Variants in CAST observed in about 807,000 individuals in gnomAD.
CAST encodes MIR583 host.
Under a neutral mutation model 119.6 loss-of-function variants are expected in CAST, and 76 were observed. That is an observed-to-expected ratio of 0.64 (90% CI 0.53 to 0.77). The LOEUF (loss-of-function observed/expected upper bound fraction) is 0.77. Ranked by LOEUF, CAST falls within the 30% of genes least tolerant of loss-of-function variation. The pLI is 0.00. For missense variants in CAST, 953 were observed against 946.5 expected (o/e 1.01, Z -0.09); for synonymous variants, 319 against 331.6 (o/e 0.96, Z 0.41).
At chr5:96,366,894 G>T in the CAST span, among the ~76,000 whole-genome samples, 13 of 152,330 alleles carry the variant, frequency 8.5e-5, no homozygotes, top group South Asian at 2.5e-3. Context: ...TTTGGAGGGG[G>T]AGAGGCGCTC....
At chr5:96,706,518 A>G (rs192328152) in intron 3 of CAST, among the ~76,000 whole-genome samples, 4 of 152,336 alleles carry the variant, frequency 2.6e-5, no homozygotes, top group South Asian at 2.1e-4. Flanking sequence ...TACAGTAGAA[A>G]TATGATTTCT....
In CAST at chr5:96,762,336, A is replaced by C; in HGVS notation, c.1896A>C (p.Ser632=). Residue 632 remains serine (S), a synonymous_variant, in exon 25 of 32, where the codon TCA becomes TCC. Transcript: ENST00000675179. Reference sequence around the variant, plus strand: ...AAGTGGTTTCCCAAACCCCAGCTTCAACGACCCAAGCTGGAGCCCCACCCC... The same window carrying C: ...AAGTGGTTTCCCAAACCCCAGCTTCCACGACCCAAGCTGGAGCCCCACCCC... ...ISEVVSQTPA[S]TTQAGAPPRD... The C allele has an allele frequency of 6.2e-7, 1 of 1,607,398 alleles. No homozygotes were observed.
the CAST span, among the ~76,000 whole-genome samples, chr5:96,300,385 C>A: frequency 6.6e-6 from 1 of 152,128 alleles, no homozygotes; most frequent in Non-Finnish European, 1.5e-5. Flanking sequence ...ATCCTTATCA[C>A]CTTCGTTGAA....
At chr5:96,233,417 A>G in the CAST span, among the ~76,000 whole-genome samples, 1 of 152,130 alleles carries the variant, frequency 6.6e-6, no homozygotes, top group Admixed American at 6.6e-5. Flanking sequence ...TGTTAGGTCT[A>G]TGTGGCAAGT....
the CAST span, among the ~76,000 whole-genome samples, chr5:96,477,306 GCACA>G: frequency 9.2e-4 from 134 of 145,332 alleles, 2 homozygotes; most frequent in East Asian, 0.018. Context: ...ACGCACGCGT[GCACA>G]CACACACACA....
the CAST span, among the ~76,000 whole-genome samples, chr5:96,443,739 A>T: frequency 6.6e-6 from 1 of 152,212 alleles, no homozygotes; most frequent in African/African-American, 2.4e-5. Flanking sequence ...GGCATCATTG[A>T]TATACATGAA....
the CAST span, among the ~76,000 whole-genome samples, chr5:96,106,226 G>C: frequency 1.3e-5 from 2 of 151,922 alleles, no homozygotes; most frequent in Non-Finnish European, 2.9e-5. Flanking sequence ...ATTTCCTTCA[G>C]TTCTGCTCTG....
At chr5:96,611,920 A>G (rs1747370739) in intron 1 of CAST, among the ~76,000 whole-genome samples, 1 of 152,196 alleles carries the variant, frequency 6.6e-6, no homozygotes, top group Non-Finnish European at 1.5e-5. Flanking sequence ...TCACATAGCT[A>G]TTATTAAAAC....
chr5:96,334,319 G>A, the CAST span, among the ~76,000 whole-genome samples: 1 of 152,142 alleles, frequency 6.6e-6, no homozygotes, highest in Non-Finnish European at 1.5e-5. Flanking sequence ...TCACTGCTTA[G>A]TTGTTTATTG....
At chr5:96,441,573 T>C in the CAST span, among the ~76,000 whole-genome samples, 2 of 152,136 alleles carry the variant, frequency 1.3e-5, no homozygotes, top group Non-Finnish European at 2.9e-5. Flanking sequence ...TTAAGGGCTC[T>C]GGGAAGACTA....
chr5:96,425,036 G>GAAAT, the CAST span, among the ~76,000 whole-genome samples: 1 of 139,110 alleles, frequency 7.2e-6, no homozygotes, highest in African/African-American at 2.9e-5. Flanking sequence ...AAGAAAGAAA[G>GAAAT]AAAGAAAGAA....
chr5:96,298,879 A>AGTGTGT, the CAST span, among the ~76,000 whole-genome samples: 79 of 149,522 alleles, frequency 5.3e-4, no homozygotes, highest in African/African-American at 1.3e-3. Flanking sequence ...AAATTAGGAG[A>AGTGTGT]GTGTGTGTGT....
At chr5:96,256,227 A>G in the CAST span, among the ~76,000 whole-genome samples, 5 of 148,414 alleles carry the variant, frequency 3.4e-5, no homozygotes, top group Non-Finnish European at 5.9e-5. Flanking sequence ...TATATTATAT[A>G]AACATATAAT....
chr5:96,453,836 A>G, the CAST span, among the ~76,000 whole-genome samples: 1 of 152,240 alleles, frequency 6.6e-6, no homozygotes, highest in Non-Finnish European at 1.5e-5. Flanking sequence ...CATCCTTAAG[A>G]CAAAGATAGA....
At chr5:96,601,308 G>A (rs545920073) in intron 1 of CAST, among the ~76,000 whole-genome samples, 2 of 152,124 alleles carry the variant, frequency 1.3e-5, no homozygotes, top group African/African-American at 4.8e-5. Context: ...TGAGCATTTC[G>A]TTTTTCGCCT....
chr5:96,284,731 G>C, the CAST span, among the ~76,000 whole-genome samples: 1 of 151,952 alleles, frequency 6.6e-6, no homozygotes, highest in East Asian at 1.9e-4. Context: ...TACAAAGTGG[G>C]TGATGAGTCA....
intron 1 of CAST, among the ~76,000 whole-genome samples, chr5:96,614,118 C>A (rs562367046): frequency 1.3e-5 from 2 of 152,148 alleles, no homozygotes; most frequent in Non-Finnish European, 2.9e-5. Flanking sequence ...GGAACCCCTT[C>A]CAGAACCACC....
the CAST span, among the ~76,000 whole-genome samples, chr5:96,055,732 A>T: frequency 1.3e-5 from 2 of 152,146 alleles, no homozygotes; most frequent in East Asian, 3.8e-4. Context: ...TATATCATAT[A>T]ATATATACTT....
At chr5:96,155,827 A>G in the CAST span, among the ~76,000 whole-genome samples, 5 of 152,136 alleles carry the variant, frequency 3.3e-5, no homozygotes, top group Non-Finnish European at 7.3e-5. Flanking sequence ...GGCTTCTGCA[A>G]CTTGCTTCTA....
Sources: allele counts gnomAD v4.1 joint callset (sites outside exome capture counted in the v4.1 genomes callset), GRCh38; gene constraint gnomAD v4.1.1; transcripts MANE v1.5; gene names NCBI Gene and HGNC (gene_info 2026-07-23, HGNC 2026-07-21).